KATNAL1: variants seen among roughly 807,000 people sequenced by gnomAD.
KATNAL1 encodes katanin catalytic subunit A1 like 1.
Under a neutral mutation model 55.2 loss-of-function variants are expected in KATNAL1, and 32 were observed. The ratio of observed to expected loss-of-function variants is 0.58; its 90% CI spans 0.44 to 0.78. The LOEUF (loss-of-function observed/expected upper bound fraction) is 0.78, where lower values mean the gene tolerates loss of function less well. Among genes scored for constraint, KATNAL1 ranks in the 30% least tolerant of loss-of-function variants. The pLI is 0.00. For synonymous variants in KATNAL1, 193 were observed against 193.6 expected, an observed-to-expected ratio of 1.00 and a Z score of 0.02; for missense variants, 466 against 600.9, an observed-to-expected ratio of 0.78 and a Z score of 2.35.
intron 1 of KATNAL1, among the ~76,000 whole-genome samples, chr13:30,284,806 T>C (rs1198597186): frequency 6.6e-6 from 1 of 152,256 alleles, no homozygotes; most frequent in Non-Finnish European, 1.5e-5. Flanking sequence ...CCAGTAATTC[T>C]GGCTTTTCTT....
intron 1 of KATNAL1, among the ~76,000 whole-genome samples, chr13:30,293,993 T>C (rs1391888368): frequency 2.0e-5 from 3 of 152,204 alleles, no homozygotes; most frequent in Admixed American, 2.0e-4. Flanking sequence ...CCATGCCCTA[T>C]AGCAAGGTGA....
rs1185218644 is a variant in KATNAL1, at chr13:30,206,817, ATTTC to A, written c.*1719_*1722del. 1.3e-5 allele frequency: 2 copies of A among 152,134 alleles called. No homozygotes were observed. Among genetic ancestry groups the A allele is most frequent in the Non-Finnish European group, 2.9e-5 (2 of 68,000 alleles). 9.4% of individuals were successfully genotyped at this position (152,134 alleles called of 1,614,324 possible). A position where few individuals can be genotyped will look rare whatever the true frequency, so the allele number is the denominator to read the frequency against. On this transcript the variant is annotated 3_prime_UTR_variant, in exon 11 of 11. Transcript: ENST00000380615. ...CAAAATAATCGTAATGAAACTACTT[ATTTC>A]TTTATTTTAAAAGTTAATAAAAGGA...
chr13:30,296,612 G>T, intron 1 of KATNAL1: 1 of 715,948 alleles, frequency 1.4e-6, no homozygotes, highest in East Asian at 2.8e-5. Flanking sequence ...CTCTGCAGCT[G>T]GTCCAGACCA....
chr13:30,220,541 C>T (rs189765852), intron 9 of KATNAL1, among the ~76,000 whole-genome samples: 266 of 152,228 alleles, frequency 1.7e-3, no homozygotes, highest in Middle Eastern at 6.8e-3. Flanking sequence ...AGGAAAAAAA[C>T]GCTCGAATTT....
intron 4 of KATNAL1, among the ~76,000 whole-genome samples, chr13:30,241,380 C>A (rs1346680289): frequency 1.3e-5 from 2 of 152,166 alleles, no homozygotes; most frequent in African/African-American, 2.4e-5. Context: ...TACCTTTGAA[C>A]TGGTAGACGC....
Position 30,305,386 on chromosome 13 carries a change from T to C in KATNAL1, c.-15+1945A>G, listed in dbSNP as rs181862976. 1.9e-3 allele frequency among the ~76,000 whole-genome samples: 297 copies of C among 152,352 alleles called. 2 individuals carry two copies. Among genetic ancestry groups the C allele is most frequent in the African/African-American group, 6.8e-3 (282 of 41,580 alleles). The stretch of plus-strand genomic sequence containing the variant: ...ATGACTTTCCTCATCATCACTCCAG[T>C]GAAAGCTTATTCAACTATTTTAACA... On this transcript the variant is annotated intron_variant, in intron 1 of 10. Coordinates refer to ENST00000380615, the MANE Select transcript of KATNAL1 (RefSeq NM_032116.5).
At chr13:30,229,948 C>CT (rs35961753) in intron 8 of KATNAL1, among the ~76,000 whole-genome samples, 205 of 137,086 alleles carry the variant, frequency 1.5e-3, no homozygotes, top group African/African-American at 3.3e-3. Flanking sequence ...AGAAGAGGGG[C>CT]TTTTTTTTTT....
chr13:30,305,933 G>T (rs547527166), intron 1 of KATNAL1, among the ~76,000 whole-genome samples: 1 of 152,126 alleles, frequency 6.6e-6, no homozygotes, highest in African/African-American at 2.4e-5. Flanking sequence ...TTTTCTACCT[G>T]TCTTACTAAA....
intron 4 of KATNAL1, among the ~76,000 whole-genome samples, chr13:30,242,652 T>C (rs560626013): frequency 4.6e-5 from 7 of 152,206 alleles, no homozygotes; most frequent in East Asian, 1.9e-4. Context: ...CTGGCTCCTA[T>C]AGAGGACGGG....
chr13:30,209,564 G>A (rs1334923032), intron 10 of KATNAL1, among the ~76,000 whole-genome samples: 2 of 152,208 alleles, frequency 1.3e-5, no homozygotes, highest in Admixed American at 1.3e-4. Flanking sequence ...TGCAGTGACA[G>A]GAACTGTCTA....
At chr13:30,233,349 T>C (rs1260848857) in intron 6 of KATNAL1, among the ~76,000 whole-genome samples, 1 of 151,958 alleles carries the variant, frequency 6.6e-6, no homozygotes. Flanking sequence ...AATAGATACA[T>C]GAAAAAATGC....
chr13:30,279,586 T>A (rs1881118797), intron 3 of KATNAL1, among the ~76,000 whole-genome samples: 1 of 152,176 alleles, frequency 6.6e-6, no homozygotes, highest in Admixed American at 6.5e-5. Flanking sequence ...TGGTGGGAGA[T>A]GCCACACTGA....
chr13:30,277,668 T>C (rs912911855), intron 3 of KATNAL1, among the ~76,000 whole-genome samples: 3 of 152,172 alleles, frequency 2.0e-5, no homozygotes, highest in Non-Finnish European at 4.4e-5. Context: ...CTTGCATACA[T>C]TCTGTGCCAC....
intron 1 of KATNAL1, among the ~76,000 whole-genome samples, chr13:30,305,075 T>C (rs1883096539): frequency 6.6e-6 from 1 of 152,222 alleles, no homozygotes; most frequent in African/African-American, 2.4e-5. Context: ...CTACCTGTAA[T>C]GTTTCCCCTC....
intron 4 of KATNAL1, among the ~76,000 whole-genome samples, chr13:30,241,422 T>C (rs1877270776): frequency 6.6e-6 from 1 of 152,188 alleles, no homozygotes; most frequent in Admixed American, 6.5e-5. Flanking sequence ...GAAAACATTT[T>C]GAATATTAAT....
rs1872875614 is a variant in KATNAL1, at chr13:30,203,820, T to C, written c.*4720A>G. Reference sequence around the variant, plus strand: ...GGTGAATGTTTAAAAATATATCTATTATCCTAATAATTTGATTATTAAAAT... The same window carrying C: ...GGTGAATGTTTAAAAATATATCTATCATCCTAATAATTTGATTATTAAAAT... On this transcript the variant is annotated 3_prime_UTR_variant, in exon 11 of 11. Coordinates refer to ENST00000380615, the MANE Select transcript of KATNAL1 (RefSeq NM_032116.5). 6.6e-6 allele frequency: 1 copy of C among 152,188 alleles called. No individual in the cohort carries two copies. The highest frequency in any genetic ancestry group is 1.5e-5 in the Non-Finnish European group (1 of 68,024). 9.4% of individuals were successfully genotyped at this position (152,188 alleles called of 1,614,324 possible). A position where few individuals can be genotyped will look rare whatever the true frequency, so the allele number is the denominator to read the frequency against.
At position 30,214,759 on chromosome 13, in the gene KATNAL1, T is replaced by C. The variant is rs1007273831; in HGVS notation, c.1148-4317A>G. ...AACTGGATCCCTTCCTTACACCTTA[T>C]ACAAAAATTAATTCAAGATGGATTA... On this transcript the variant is annotated intron_variant, in intron 9 of 10. Coordinates refer to ENST00000380615, the MANE Select transcript of KATNAL1 (RefSeq NM_032116.5). 2.6e-5 allele frequency among the ~76,000 whole-genome samples: 4 copies of C among 151,904 alleles called. 1 individual carries two copies. Among genetic ancestry groups the C allele is most frequent in the Admixed American group, 1.3e-4 (2 of 15,264 alleles).
intron 4 of KATNAL1, among the ~76,000 whole-genome samples, chr13:30,252,257 A>T (rs1878387010): frequency 6.6e-6 from 1 of 152,238 alleles, no homozygotes; most frequent in South Asian, 2.1e-4. Flanking sequence ...AAAGCTTCAA[A>T]GCGGGCTTTT....
rs1489256888 is a variant in KATNAL1 at position 30,227,419 on chromosome 13, G to A, written c.1140C>T (p.Leu380=). ...ATAGAGAAGACATCATACCTGTTGG[G>A]AGAGGTATATATATCCTTTTTTCTA... ...RRLEKRIYIP[L]PTAKGRAELL... Residue 380 remains leucine, a synonymous_variant, in exon 9 of 11, where the codon CTC becomes CTT. Coordinates refer to ENST00000380615, the MANE Select transcript of KATNAL1 (RefSeq NM_032116.5). 1 of 1,613,452 alleles carries A rather than the reference G, an allele frequency of 6.2e-7. No individual in the cohort carries two copies. The highest frequency in any genetic ancestry group is 2.2e-5 in the East Asian group (1 of 44,848).
Sources: gnomAD v4.1 joint callset for allele counts (sites outside exome capture counted in the v4.1 genomes callset) on GRCh38, gnomAD v4.1.1 for gene constraint, MANE v1.5 for transcripts, NCBI Gene and HGNC (gene_info 2026-07-23, HGNC 2026-07-21) for gene names.